Variants in RBMS1 observed in about 807,000 individuals in gnomAD.
RBMS1 encodes the protein RNA-binding motif, single-stranded-interacting protein 1.
In RBMS1, 17 loss-of-function variants were observed where a neutral mutation model predicts 62.3. The observed-to-expected ratio is 0.27, with a 90% CI of 0.19 to 0.41. The LOEUF (loss-of-function observed/expected upper bound fraction) is 0.41. Ranked by LOEUF, RBMS1 falls within the 10% of genes least tolerant of loss-of-function variation. The pLI is 1.00. For missense variants in RBMS1, 334 were observed against 504.5 expected (o/e 0.66, Z 3.24); for synonymous variants, 172 against 170.0 (o/e 1.01, Z -0.09).
chr2:160,277,220 G>T, intron 12 of RBMS1, 83 bp downstream of exon 12: 2 of 1,256,634 alleles, frequency 1.6e-6, no homozygotes, highest in African/African-American at 1.5e-5. Flanking sequence ...TTGACGTCTG[G>T]TAGATTTTTC....
At chr2:160,366,649 T>C (rs1037151058) in intron 2 of RBMS1, among the ~76,000 whole-genome samples, 2 of 152,224 alleles carry the variant, frequency 1.3e-5, no homozygotes, top group African/African-American at 4.8e-5. Flanking sequence ...TTTGGAACTT[T>C]ATGCACATGC....
At chr2:160,361,224 A>T (rs1693110480) in intron 2 of RBMS1, among the ~76,000 whole-genome samples, 3 of 152,240 alleles carry the variant, frequency 2.0e-5, no homozygotes, top group Non-Finnish European at 4.4e-5. Flanking sequence ...TGAGTTATCT[A>T]GAACTCTGCA....
At chr2:160,489,468 T>C (rs534330608) in intron 1 of RBMS1, among the ~76,000 whole-genome samples, 2 of 152,184 alleles carry the variant, frequency 1.3e-5, no homozygotes, top group Non-Finnish European at 2.9e-5. Context: ...GGACTACTAA[T>C]TTCTGGAGAA....
intron 10 of RBMS1, chr2:160,279,489 TC>T (rs1233622064): frequency 1.1e-4 from 17 of 152,166 alleles, no homozygotes; most frequent in African/African-American, 4.1e-4. Flanking sequence ...ATCAACAACT[TC>T]ATATCCTGGG....
chr2:160,333,397 CAAAAT>C (rs1691387838), intron 2 of RBMS1, among the ~76,000 whole-genome samples: 1 of 152,136 alleles, frequency 6.6e-6, no homozygotes, highest in South Asian at 2.1e-4. Context: ...CTCAACTTAT[CAAAAT>C]ATTTGTTTTG....
intron 2 of RBMS1, among the ~76,000 whole-genome samples, chr2:160,319,070 G>A (rs572351787): frequency 4.3e-4 from 66 of 152,230 alleles, no homozygotes; most frequent in Admixed American, 1.4e-3. Context: ...TACTGAAAAC[G>A]AAGCGACAGT....
At chr2:160,447,081 T>A (rs922694454) in intron 1 of RBMS1, among the ~76,000 whole-genome samples, 2 of 152,132 alleles carry the variant, frequency 1.3e-5, no homozygotes, top group African/African-American at 4.8e-5. Context: ...AACCTTCAAA[T>A]CTTAAGGACA....
Position 160,493,672 on chromosome 2 carries a change from G to A in RBMS1, c.-309C>T, listed in dbSNP as rs867348508. The A allele has an allele frequency of 2.2e-6, 1 of 453,460 alleles. No homozygotes were observed. The highest frequency in any genetic ancestry group is 4.0e-6 in the Non-Finnish European group (1 of 248,422). 28.1% of individuals were successfully genotyped at this position (453,460 alleles called of 1,614,324 possible). Reference sequence around the variant, plus strand: ...CCCAAGGAGTTTCCTCCCGGAGCCCGACTGCTCCGGGGCTGCCAAGGGCTG... The same window carrying A: ...CCCAAGGAGTTTCCTCCCGGAGCCCAACTGCTCCGGGGCTGCCAAGGGCTG... On this transcript the variant is annotated 5_prime_UTR_variant, in exon 1 of 14. Coordinates refer to ENST00000348849, the MANE Select transcript of RBMS1 (RefSeq NM_016836.4).
chr2:160,476,328 G>A (rs1685126529), intron 1 of RBMS1, among the ~76,000 whole-genome samples: 1 of 152,104 alleles, frequency 6.6e-6, no homozygotes, highest in Admixed American at 6.5e-5. Flanking sequence ...GCTTGAGATT[G>A]AGAATATTAC....
chr2:160,415,631 C>T (rs949758895), intron 1 of RBMS1, among the ~76,000 whole-genome samples: 1 of 152,142 alleles, frequency 6.6e-6, no homozygotes, highest in African/African-American at 2.4e-5. Context: ...AAACAAAACC[C>T]TCATGTAAGC....
chr2:160,324,434 T>A (rs1428202515), intron 2 of RBMS1, among the ~76,000 whole-genome samples: 1 of 152,224 alleles, frequency 6.6e-6, no homozygotes, highest in Non-Finnish European at 1.5e-5. Context: ...TAAATTCATT[T>A]AAGGCACATG....
At chr2:160,416,449 C>T (rs1377420052) in intron 1 of RBMS1, among the ~76,000 whole-genome samples, 1 of 152,086 alleles carries the variant, frequency 6.6e-6, no homozygotes, top group Non-Finnish European at 1.5e-5. Context: ...AAGACATTTA[C>T]ATTTTTGGGG....
chr2:160,400,971 A>G (rs960847901), intron 1 of RBMS1, among the ~76,000 whole-genome samples: 4 of 152,020 alleles, frequency 2.6e-5, no homozygotes, highest in African/African-American at 9.7e-5. Flanking sequence ...AAAAAATACA[A>G]TTTTCTAGGT....
chr2:160,344,314 TC>T (rs1178034464), intron 2 of RBMS1, among the ~76,000 whole-genome samples: 1 of 152,150 alleles, frequency 6.6e-6, no homozygotes, highest in Non-Finnish European at 1.5e-5. Flanking sequence ...AGTGGTTTAT[TC>T]CTCTAGAAGT....
At chr2:160,373,873 C>T (rs1210046163) in intron 1 of RBMS1, among the ~76,000 whole-genome samples, 1 of 151,998 alleles carries the variant, frequency 6.6e-6, no homozygotes, top group East Asian at 1.9e-4. Context: ...AGAGTTCAAC[C>T]AAGGGAAGAT....
At chr2:160,410,582 A>G (rs1695986160) in intron 1 of RBMS1, among the ~76,000 whole-genome samples, 1 of 152,250 alleles carries the variant, frequency 6.6e-6, no homozygotes, top group Admixed American at 6.5e-5. Flanking sequence ...GCTTAGTTGT[A>G]AGAGTGATTA....
chr2:160,387,731 C>G (rs1694659812), intron 1 of RBMS1, among the ~76,000 whole-genome samples: 1 of 151,982 alleles, frequency 6.6e-6, no homozygotes, highest in African/African-American at 2.4e-5. Flanking sequence ...GCCTCCCCCA[C>G]AAAACACACA....
intron 1 of RBMS1, among the ~76,000 whole-genome samples, chr2:160,414,846 CAA>C (rs11404886): frequency 7.3e-4 from 93 of 128,014 alleles, no homozygotes; most frequent in East Asian, 1.1e-3. Context: ...GACCCTGTCT[CAA>C]AAAAAAAAAA....
chr2:160,484,075 G>C (rs1685483521), intron 1 of RBMS1, among the ~76,000 whole-genome samples: 1 of 149,744 alleles, frequency 6.7e-6, no homozygotes, highest in Non-Finnish European at 1.5e-5. Flanking sequence ...TTGGCTTCAA[G>C]CAATCCTCCC....
Sources: allele counts gnomAD v4.1 joint callset (sites outside exome capture counted in the v4.1 genomes callset), GRCh38; gene constraint gnomAD v4.1.1; transcripts MANE v1.5; gene names NCBI Gene and HGNC (gene_info 2026-07-23, HGNC 2026-07-21).